Variants in OR8D1 observed in about 807,000 individuals in gnomAD.
OR8D1 encodes the protein olfactory receptor family 8 subfamily D member 1.
For missense variants in OR8D1, 384 were observed against 366.8 expected (o/e 1.05, Z -0.38); for synonymous variants, 143 against 147.0 (o/e 0.97, Z 0.20).
In OR8D1 at chr11:124,313,067, G is replaced by A. The variant is rs190874982; in HGVS notation, c.-122+654C>T. Among the ~76,000 whole-genome samples the A allele has an allele frequency of 2.3e-3, 343 of 151,650 alleles. 2 individuals carry two copies. The highest frequency in any genetic ancestry group is 7.9e-3 in the African/African-American group (328 of 41,354). ...TAAGCATCTGTAATCCTAGCTACTC[G>A]GGAGCCTGAGGCAGGAGAATCGCTT... is the stretch of plus-strand genomic sequence containing the variant. On this transcript the variant is annotated intron_variant, in intron 1 of 2. Transcript: ENST00000641015.
At position 124,304,531 on chromosome 11, in the gene OR8D1, T is replaced by C. The variant is rs1423547571; in HGVS notation, c.*5309A>G. 2.0e-5 allele frequency: 3 copies of C among 151,972 alleles called. No homozygotes were observed. The highest frequency in any genetic ancestry group is 2.9e-5 in the Non-Finnish European group (2 of 67,916). 9.4% of individuals were successfully genotyped at this position (151,972 alleles called of 1,614,324 possible). Reference sequence around the variant, plus strand: ...TTTTATTTCTGCACTGTTTAACATTTTACACTACAACATGTAAAATTTGAG... The same window carrying C: ...TTTTATTTCTGCACTGTTTAACATTCTACACTACAACATGTAAAATTTGAG... On this transcript the variant is annotated 3_prime_UTR_variant, in exon 3 of 3. Coordinates refer to ENST00000641015, the MANE Select transcript of OR8D1 (RefSeq NM_001002917.2).
rs1862373859 is a variant in OR8D1, at chr11:124,306,949, T to A, written c.*2891A>T. On this transcript the variant is annotated 3_prime_UTR_variant, in exon 3 of 3. Transcript: ENST00000641015. ...ATGGTTCTCTTTTTTGTTGTTCTTT[T>A]TGAGAGTTAGCATATTTTAGAAACA... 1 of 152,118 alleles carries A rather than the reference T, an allele frequency of 6.6e-6. No homozygotes were observed. Among genetic ancestry groups the A allele is most frequent in the East Asian group, 1.9e-4 (1 of 5,176 alleles). The allele number at this position is 152,118 out of a possible 1,614,324, so 9.4% of individuals were successfully genotyped here. A position where few individuals can be genotyped will look rare whatever the true frequency, so the allele number is the denominator to read the frequency against.
chr11:124,310,552 C>T lies in OR8D1; in HGVS notation c.215G>A (p.Cys72Tyr), dbSNP rs772338961. 6.2e-7 allele frequency: 1 copy of T among 1,613,772 alleles called. No homozygotes were observed. Among genetic ancestry groups the T allele is most frequent in the Non-Finnish European group, 8.5e-7 (1 of 1,179,868 alleles). ...TTTGGGAGTAATGACAGAGGAATAG[C>T]AGAAATCGACGAAGGACAAGCTGCT... is the stretch of plus-strand genomic sequence containing the variant. ...FLSSLSFVDF[C>Y]YSSVITPKML... The change falls in exon 3 of 3, where the codon TGC becomes TAC. Residue 72 changes from cysteine (C) to tyrosine (Y), a missense_variant. Physicochemically the swap from Cys to Tyr is radical, Grantham distance 194 (BLOSUM62 -2). Coordinates refer to ENST00000641015, the MANE Select transcript of OR8D1 (RefSeq NM_001002917.2).
Position 124,302,974 on chromosome 11 carries a change from G to C in OR8D1, c.*6866C>G, listed in dbSNP as rs966767282. ...GCTTCCTGTCTCCTGATTTACTCAT[G>C]AACTCCTTACTAGGAAGGAATAAGG... is the stretch of plus-strand genomic sequence containing the variant. On this transcript the variant is annotated 3_prime_UTR_variant, in exon 3 of 3. Transcript: ENST00000641015. 62 of 152,040 alleles carry C rather than the reference G, an allele frequency of 4.1e-4. 1 individual carries two copies. Among genetic ancestry groups the C allele is most frequent in the African/African-American group, 1.4e-3 (60 of 41,420 alleles). 9.4% of individuals were successfully genotyped at this position (152,040 alleles called of 1,614,324 possible).
In OR8D1 at chr11:124,304,188, A is replaced by G. The variant is rs1480260862; in HGVS notation, c.*5652T>C. 2 of 151,968 alleles carry G rather than the reference A, an allele frequency of 1.3e-5. No homozygotes were observed. The highest frequency in any genetic ancestry group is 1.9e-4 in the East Asian group (1 of 5,178). 9.4% of individuals were successfully genotyped at this position (151,968 alleles called of 1,614,324 possible). ...AAGTTTTTTTGTGTTTATATCCAGT[A>G]TGAGTATTTACTTCTTCCAAAGAAA... On this transcript the variant is annotated 3_prime_UTR_variant, in exon 3 of 3. Transcript: ENST00000641015.
chr11:124,310,452 C>A lies in OR8D1; in HGVS notation c.315G>T (p.Val105=). The change falls in exon 3 of 3, where the codon GTG becomes GTT. Residue 105 remains valine, a synonymous_variant. Coordinates refer to ENST00000641015, the MANE Select transcript of OR8D1 (RefSeq NM_001002917.2). ...SECMVQLFFF[V]VFVVAEGYLL... is the part of the protein sequence containing the mutation. ...GGTAACCCTCAGCCACCACAAAGAC[C>A]ACAAAGAAAAAGAGCTGGACCATGC... is the stretch of plus-strand genomic sequence containing the variant. The A allele has an allele frequency of 6.2e-7, 1 of 1,613,566 alleles. No individual in the cohort carries two copies. Among genetic ancestry groups the A allele is most frequent in the Non-Finnish European group, 8.5e-7 (1 of 1,179,824 alleles).
chr11:124,313,034 C>T lies in OR8D1; in HGVS notation c.-122+687G>A, dbSNP rs184950668. Among the ~76,000 whole-genome samples, 245 of 151,614 alleles carry T rather than the reference C, an allele frequency of 1.6e-3. 1 individual carries two copies. Among genetic ancestry groups the T allele is most frequent in the Middle Eastern group, 0.01 (3 of 290 alleles). On this transcript the variant is annotated intron_variant, in intron 1 of 2. Transcript: ENST00000641015. ...ACTAAAAACACAAAAATTATCTGGA[C>T]GTGGTGGTAAGCATCTGTAATCCTA...
chr11:124,311,863 G>A (rs2512294), intron 1 of OR8D1, among the ~76,000 whole-genome samples, 187 bp from the exon 2 acceptor site: 27,197 of 152,050 alleles, frequency 0.18, 2,678 homozygotes, highest in South Asian at 0.31. Context: ...AACCTGTTCA[G>A]TTTTGCAAAC....
In OR8D1 at chr11:124,307,314, G is replaced by A. The variant is rs1275320370; in HGVS notation, c.*2526C>T. 2.6e-5 allele frequency: 4 copies of A among 152,116 alleles called. No individual in the cohort carries two copies. The highest frequency in any genetic ancestry group is 2.6e-4 in the Admixed American group (4 of 15,248). The allele number at this position is 152,116 out of a possible 1,614,324, so 9.4% of individuals were successfully genotyped here. A position where few individuals can be genotyped will look rare whatever the true frequency, so the allele number is the denominator to read the frequency against. On this transcript the variant is annotated 3_prime_UTR_variant, in exon 3 of 3. Coordinates refer to ENST00000641015, the MANE Select transcript of OR8D1 (RefSeq NM_001002917.2). ...TACAGTTTATGTGTAACTTTTAACT[G>A]TAGTGATCCCAGCAGGCAGCTGTGG...
chr11:124,310,624 A>G lies in OR8D1; in HGVS notation c.143T>C (p.Leu48Pro), dbSNP rs902566209. 7.4e-6 allele frequency: 12 copies of G among 1,613,864 alleles called. No individual in the cohort carries two copies. Among genetic ancestry groups the G allele is most frequent in the African/African-American group, 2.7e-5 (2 of 74,914 alleles). ...GTGAAGTAGAGGGCTGACTGCAATC[A>G]GGAGAATCATGCCCAGGTTGCCCAC... Reference protein sequence around the residue: ...TVVGNLGMILLIAVSPLLHTP... With the variant: ...TVVGNLGMILPIAVSPLLHTP... Residue 48 changes from leucine to proline, a missense_variant, in exon 3 of 3, where the codon CTG (leucine) becomes CCG (proline). Coordinates refer to ENST00000641015, the MANE Select transcript of OR8D1 (RefSeq NM_001002917.2).
chr11:124,303,686 T>C lies in OR8D1; in HGVS notation c.*6154A>G, dbSNP rs1862343314. On this transcript the variant is annotated 3_prime_UTR_variant, in exon 3 of 3. Coordinates refer to ENST00000641015, the MANE Select transcript of OR8D1 (RefSeq NM_001002917.2). ...ATGTGGCTGTATTTATGATTCATTT[T>C]CTTTAAAAATTATGCTCACTTGAAG... 1 of 152,056 alleles carries C rather than the reference T, an allele frequency of 6.6e-6. No individual in the cohort carries two copies. Among genetic ancestry groups the C allele is most frequent in the African/African-American group, 2.4e-5 (1 of 41,442 alleles). The allele number at this position is 152,056 out of a possible 1,614,324, so 9.4% of individuals were successfully genotyped here.
In OR8D1 at chr11:124,309,995, T is replaced by C. The variant is rs112423275; in HGVS notation, c.772A>G (p.Met258Val). 104 of 1,587,494 alleles carry C rather than the reference T, an allele frequency of 6.6e-5. 1 individual carries two copies. In the African/African-American group the frequency reaches 1.1e-3, roughly 17 times the overall value. The part of the protein sequence containing the change: ...VVIFFGSITF[M>V]YFKPPSSNSL... ...TTACTTGAAGGGGGCTTGAAATACA[T>C]GAAGGTAATGGACCCAAAGAAGATC... Residue 258 changes from methionine to valine, a missense_variant, in exon 3 of 3, where the codon ATG (methionine) becomes GTG (valine). By Grantham distance (21) the Met-to-Val change is conservative. Transcript: ENST00000641015.
chr11:124,312,405 CT>C (rs1287627581), intron 1 of OR8D1, among the ~76,000 whole-genome samples: 1 of 152,020 alleles, frequency 6.6e-6, no homozygotes, highest in Admixed American at 6.6e-5. Context: ...GTGTTTTCAT[CT>C]CCAAGGGACA....
chr11:124,312,561 A>T (rs1862431878), intron 1 of OR8D1, among the ~76,000 whole-genome samples: 1 of 139,712 alleles, frequency 7.2e-6, no homozygotes, highest in African/African-American at 2.8e-5. Flanking sequence ...TCTGTCGCCC[A>T]GGCTGGAGTG....
chr11:124,313,290 AAAGG>A (rs1280937827), intron 1 of OR8D1, among the ~76,000 whole-genome samples: 4 of 149,070 alleles, frequency 2.7e-5, no homozygotes, highest in East Asian at 3.9e-4. Flanking sequence ...GAGAAAGAAA[AAAGG>A]AAGGAAGGAA....
chr11:124,311,652 CG>C lies in OR8D1; in HGVS notation c.-98del, dbSNP rs1160237366. ...GGTGTAAATCTTGAACTTTCCAAAG[CG>C]TGGTACCCTTGGTGGTTTGGGCCCT... On this transcript the variant is annotated 5_prime_UTR_variant, in exon 2 of 3. Coordinates refer to ENST00000641015, the MANE Select transcript of OR8D1 (RefSeq NM_001002917.2). The C allele has an allele frequency of 2.0e-5, 3 of 152,146 alleles. No homozygotes were observed. The highest frequency in any genetic ancestry group is 6.6e-5 in the Admixed American group (1 of 15,246). 9.4% of individuals were successfully genotyped at this position (152,146 alleles called of 1,614,324 possible).
At position 124,304,955 on chromosome 11, in the gene OR8D1, A is replaced by G. The variant is rs1042253522; in HGVS notation, c.*4885T>C. ...CATTTATCATTTTTCTTGGTATTCT[A>G]TGTAAGAAATGTTTGACTACCTCCC... On this transcript the variant is annotated 3_prime_UTR_variant, in exon 3 of 3. Transcript: ENST00000641015. The G allele has an allele frequency of 5.3e-5, 8 of 151,822 alleles. No individual in the cohort carries two copies. Among genetic ancestry groups the G allele is most frequent in the Non-Finnish European group, 1.2e-4 (8 of 67,880 alleles). The allele number at this position is 151,822 out of a possible 1,614,324, so 9.4% of individuals were successfully genotyped here.
At chr11:124,312,853 A>G (rs1338289188) in intron 1 of OR8D1, among the ~76,000 whole-genome samples, 1 of 151,658 alleles carries the variant, frequency 6.6e-6, no homozygotes, top group African/African-American at 2.4e-5. Context: ...CAAAATGAAT[A>G]CTCTACCTGG....
chr11:124,312,699 G>T (rs181227332), intron 1 of OR8D1, among the ~76,000 whole-genome samples: 1 of 151,372 alleles, frequency 6.6e-6, no homozygotes, highest in Non-Finnish European at 1.5e-5. Context: ...TGTATTTTTA[G>T]TAAAGACAAG....
Sources: allele counts gnomAD v4.1 joint callset (sites outside exome capture counted in the v4.1 genomes callset), GRCh38; gene constraint gnomAD v4.1.1; transcripts MANE v1.5; gene names NCBI Gene and HGNC (gene_info 2026-07-23, HGNC 2026-07-21).